The following TMTC1 variants were observed in gnomAD, a reference collection of about 807,000 sequenced individuals.
The protein encoded by TMTC1 is transmembrane O-mannosyltransferase targeting cadherins 1, also known as protein O-mannosyl-transferase TMTC1.
Under a neutral mutation model 104.8 loss-of-function variants are expected in TMTC1, and 73 were observed. The observed-to-expected ratio is 0.70, with a 90% CI of 0.58 to 0.85. TMTC1 has a LOEUF of 0.85. Ranked by LOEUF, TMTC1 falls within the 40% of genes least tolerant of loss-of-function variation. The pLI is 0.00. For missense variants in TMTC1, 1,035 were observed against 1,096.1 expected (o/e 0.94, Z 0.79); for synonymous variants, 434 against 428.7 (o/e 1.01, Z -0.15).
intron 5 of TMTC1, among the ~76,000 whole-genome samples, chr12:29,682,294 T>C (rs1376967480): frequency 6.6e-6 from 1 of 152,194 alleles, no homozygotes; most frequent in Admixed American, 6.5e-5. Flanking sequence ...TCTCCTATAT[T>C]ACCGTGAGTC....
In TMTC1 at chr12:29,759,234, A is replaced by G. The variant is rs142290141; in HGVS notation, c.481-457T>C. Among the ~76,000 whole-genome samples the G allele has an allele frequency of 6.1e-3, 929 of 152,344 alleles. 6 individuals carry two copies. Among genetic ancestry groups the G allele is most frequent in the Middle Eastern group, 0.024 (7 of 294 alleles). On this transcript the variant is annotated intron_variant, in intron 2 of 17. Coordinates refer to ENST00000539277, the MANE Select transcript of TMTC1 (RefSeq NM_001193451.2). ...AATGGGGCCGGGCAGGATGGCTCAC[A>G]TCTGTAATCTCAGCACTTTGGAAGG...
At position 29,679,520 on chromosome 12, in the gene TMTC1, A is replaced by C. The variant is rs542680955; in HGVS notation, c.939-46184T>G. On this transcript the variant is annotated intron_variant, in intron 5 of 17. Transcript: ENST00000539277. ...ACAAAAATATGTTAGGCCAGCTCAG[A>C]AACCTTTATGGAATGGGCTATTCTA... Among the ~76,000 whole-genome samples the C allele has an allele frequency of 1.8e-4, 27 of 152,282 alleles. No individual in the cohort carries two copies. In the South Asian group the frequency reaches 2.7e-3, roughly 15 times the overall value.
chr12:29,554,580 A>C (rs556956126), intron 10 of TMTC1, among the ~76,000 whole-genome samples: 2 of 152,312 alleles, frequency 1.3e-5, no homozygotes, highest in South Asian at 2.1e-4. Context: ...ACATATGCAA[A>C]GAAGCAGGCC....
chr12:29,529,217 T>C (rs1275929937), intron 11 of TMTC1, among the ~76,000 whole-genome samples: 2 of 152,186 alleles, frequency 1.3e-5, no homozygotes, highest in African/African-American at 4.8e-5. Flanking sequence ...ATTAGGAAAG[T>C]GCATAAACCT....
At chr12:29,696,059 G>C (rs1370240544) in intron 5 of TMTC1, among the ~76,000 whole-genome samples, 1 of 151,860 alleles carries the variant, frequency 6.6e-6, no homozygotes, top group Non-Finnish European at 1.5e-5. Context: ...TTTTCCAAAG[G>C]AGATATATTT....
At chr12:29,555,070 T>C (rs1380443851) in intron 10 of TMTC1, among the ~76,000 whole-genome samples, 1 of 150,590 alleles carries the variant, frequency 6.6e-6, no homozygotes, top group African/African-American at 2.4e-5. Flanking sequence ...AAATTTTACA[T>C]CAATTGATTT....
At chr12:29,680,204 A>G (rs1417718165) in intron 5 of TMTC1, among the ~76,000 whole-genome samples, 1 of 152,190 alleles carries the variant, frequency 6.6e-6, no homozygotes, top group African/African-American at 2.4e-5. Context: ...AATAGAAAAC[A>G]TCAGACTGAG....
At chr12:29,707,323 G>A (rs1035788399) in intron 5 of TMTC1, among the ~76,000 whole-genome samples, 4 of 152,080 alleles carry the variant, frequency 2.6e-5, no homozygotes, top group Non-Finnish European at 5.9e-5. Context: ...CAGAAAAAAA[G>A]CTTGCTTAGC....
chr12:29,703,339 C>T (rs145943291), intron 5 of TMTC1, among the ~76,000 whole-genome samples: 3 of 152,178 alleles, frequency 2.0e-5, no homozygotes, highest in Admixed American at 6.5e-5. Flanking sequence ...AAATAACTTT[C>T]TTTGAATTGA....
chr12:29,722,796 C>T lies in TMTC1; in HGVS notation c.938+28870G>A, dbSNP rs956535531. Among the ~76,000 whole-genome samples, 22 of 151,596 alleles carry T rather than the reference C, an allele frequency of 1.5e-4. 1 individual carries two copies. Among genetic ancestry groups the T allele is most frequent in the Non-Finnish European group, 1.5e-5 (1 of 67,924 alleles). On this transcript the variant is annotated intron_variant, in intron 5 of 17. Transcript: ENST00000539277. ...AACAGCAGGGTGTGGTGGCACGCGC[C>T]TATAGTCCCAGCTATTTGGGAGGCT...
At chr12:29,710,549 A>G (rs1344597209) in intron 5 of TMTC1, among the ~76,000 whole-genome samples, 1 of 145,688 alleles carries the variant, frequency 6.9e-6, no homozygotes, top group Non-Finnish European at 1.5e-5. Context: ...CCTTATATAT[A>G]ATATATATAA....
At chr12:29,737,198 C>A (rs1377639379) in intron 5 of TMTC1, among the ~76,000 whole-genome samples, 1 of 152,214 alleles carries the variant, frequency 6.6e-6, no homozygotes, top group Non-Finnish European at 1.5e-5. Flanking sequence ...TGGCTCAGAG[C>A]CAGGCAGAGC....
intron 9 of TMTC1, among the ~76,000 whole-genome samples, chr12:29,559,313 C>G (rs1945321079): frequency 6.6e-6 from 1 of 152,206 alleles, no homozygotes; most frequent in African/African-American, 2.4e-5. Flanking sequence ...GCTCTGTAAG[C>G]AGCCGGTCAT....
rs1315322492 is a variant in TMTC1 at position 29,501,249 on chromosome 12, C to G, written c.*5597G>C. On this transcript the variant is annotated 3_prime_UTR_variant, in exon 18 of 18. Coordinates refer to ENST00000539277, the MANE Select transcript of TMTC1 (RefSeq NM_001193451.2). ...ACAAACTGCAAAATAGGAGTAACTA[C>G]CTCTGCCATGTTCAAGCACTTGGGC... 2.6e-5 allele frequency: 4 copies of G among 152,156 alleles called. No homozygotes were observed. The highest frequency in any genetic ancestry group is 9.7e-5 in the African/African-American group (4 of 41,424). 9.4% of individuals were successfully genotyped at this position (152,156 alleles called of 1,614,324 possible). A position where few individuals can be genotyped will look rare whatever the true frequency, so the allele number is the denominator to read the frequency against.
At chr12:29,585,006 A>C (rs1276771466) in intron 7 of TMTC1, among the ~76,000 whole-genome samples, 2 of 149,782 alleles carry the variant, frequency 1.3e-5, no homozygotes, top group Non-Finnish European at 1.5e-5. Flanking sequence ...ATCCCTGAGG[A>C]ATCGCCACGC....
At chr12:29,633,849 C>G (rs1238622973) in intron 5 of TMTC1, among the ~76,000 whole-genome samples, 1 of 152,200 alleles carries the variant, frequency 6.6e-6, no homozygotes, top group Non-Finnish European at 1.5e-5. Flanking sequence ...CAGGTAGACA[C>G]AGGGACAATG....
At chr12:29,662,043 G>C (rs1216094812) in intron 5 of TMTC1, among the ~76,000 whole-genome samples, 1 of 152,152 alleles carries the variant, frequency 6.6e-6, no homozygotes, top group African/African-American at 2.4e-5. Flanking sequence ...CATAAAATAA[G>C]TCATAAGTCA....
chr12:29,705,042 G>A (rs1194467797), intron 5 of TMTC1, among the ~76,000 whole-genome samples: 2 of 152,184 alleles, frequency 1.3e-5, no homozygotes, highest in African/African-American at 4.8e-5. Context: ...AATACCTACA[G>A]GTCTACTGAT....
At chr12:29,538,821 A>G (rs1201326362) in intron 10 of TMTC1, among the ~76,000 whole-genome samples, 4 of 152,198 alleles carry the variant, frequency 2.6e-5, no homozygotes, top group African/African-American at 4.8e-5. Flanking sequence ...ACACCTCATC[A>G]TGTAATTAAT....
Sources: gnomAD v4.1 joint callset for allele counts (sites outside exome capture counted in the v4.1 genomes callset) on GRCh38, gnomAD v4.1.1 for gene constraint, MANE v1.5 for transcripts, NCBI Gene and HGNC (gene_info 2026-07-23, HGNC 2026-07-21) for gene names.